Variants in DLC1 observed in about 807,000 individuals in gnomAD.
DLC1 encodes DLC1 Rho GTPase activating protein, also known as rho GTPase-activating protein 7.
In DLC1, 54 loss-of-function variants were observed where a neutral mutation model predicts 140.3. The ratio of observed to expected loss-of-function variants is 0.38; its 90% CI spans 0.31 to 0.48. The LOEUF is 0.48. Ranked by LOEUF, DLC1 falls within the 20% of genes least tolerant of loss-of-function variation. The pLI, the probability that DLC1 is intolerant of heterozygous loss-of-function variation, is 0.96. For synonymous variants in DLC1, 986 were observed against 728.1 expected, an observed-to-expected ratio of 1.35 and a Z score of -5.70; for missense variants, 2,536 against 1,907.0, an observed-to-expected ratio of 1.33 and a Z score of -6.14.
chr8:13,290,052 A>G (rs1195513879), intron 5 of DLC1, among the ~76,000 whole-genome samples: 1 of 152,102 alleles, frequency 6.6e-6, no homozygotes, highest in Non-Finnish European at 1.5e-5. Flanking sequence ...AGTGTCTTCA[A>G]TAGTTTTATG....
intron 7 of DLC1, among the ~76,000 whole-genome samples, chr8:13,110,352 G>A (rs753867374): frequency 6.6e-6 from 1 of 152,132 alleles, no homozygotes; most frequent in South Asian, 2.1e-4. Flanking sequence ...TGAGAGGAGC[G>A]TTCTTGGAAT....
At chr8:13,241,654 T>G (rs1829549252) in intron 5 of DLC1, among the ~76,000 whole-genome samples, 1 of 152,142 alleles carries the variant, frequency 6.6e-6, no homozygotes, top group East Asian at 1.9e-4. Flanking sequence ...TGTGCAGAAA[T>G]GTTTTCAGGG....
chr8:13,430,039 G>A (rs542047842), intron 2 of DLC1, among the ~76,000 whole-genome samples: 170 of 152,174 alleles, frequency 1.1e-3, no homozygotes, highest in African/African-American at 3.9e-3. Flanking sequence ...AAAAATTATG[G>A]TACCTAGGCC....
intron 4 of DLC1, among the ~76,000 whole-genome samples, chr8:13,377,170 C>A (rs573862164): frequency 2.4e-4 from 37 of 152,260 alleles, no homozygotes; most frequent in Non-Finnish European, 4.4e-4. Flanking sequence ...AGTCCAAGGG[C>A]AGCATCTTAT....
At chr8:13,274,217 T>C (rs1831070120) in intron 5 of DLC1, among the ~76,000 whole-genome samples, 1 of 152,168 alleles carries the variant, frequency 6.6e-6, no homozygotes, top group Non-Finnish European at 1.5e-5. Context: ...CAAGTGCTCT[T>C]GAGGTTTGGC....
chr8:13,363,547 C>T (rs1045839366), intron 4 of DLC1, among the ~76,000 whole-genome samples: 1 of 151,902 alleles, frequency 6.6e-6, no homozygotes, highest in Non-Finnish European at 1.5e-5. Context: ...GTCTATTACA[C>T]AGAAGGCATG....
chr8:13,593,904 G>C (rs921160937), intron 1 of DLC1, among the ~76,000 whole-genome samples: 1 of 152,082 alleles, frequency 6.6e-6, no homozygotes, highest in African/African-American at 2.4e-5. Context: ...AGAATACTGT[G>C]ATAAAGCACA....
rs1379725744 is a variant in DLC1 at position 13,244,319 on chromosome 8, A to C, written c.1348+60950T>G. Reference sequence around the variant, plus strand: ...CCAATTTTTTTTTTTTTTTTTTGAGACAGGATCTCACTCTGTTGTTCAGAC... The same window carrying C: ...CCAATTTTTTTTTTTTTTTTTTGAGCCAGGATCTCACTCTGTTGTTCAGAC... On this transcript the variant is annotated intron_variant, in intron 5 of 17. Transcript: ENST00000276297. Among the ~76,000 whole-genome samples the C allele has an allele frequency of 2.1e-5, 3 of 142,604 alleles. No individual in the cohort carries two copies. In the East Asian group the frequency reaches 6.1e-4, roughly 29 times the overall value. 93.6% of individuals were successfully genotyped at this position (142,604 alleles called of 152,430 possible). A position where few individuals can be genotyped will look rare whatever the true frequency, so the allele number is the denominator to read the frequency against.
intron 1 of DLC1, among the ~76,000 whole-genome samples, chr8:13,583,222 G>T (rs947136279): frequency 2.0e-5 from 3 of 152,100 alleles, no homozygotes; most frequent in African/African-American, 7.2e-5. Context: ...ACCCAAAGGG[G>T]AACTGTTTTC....
intron 4 of DLC1, among the ~76,000 whole-genome samples, chr8:13,364,518 A>G (rs1835390448): frequency 6.6e-6 from 1 of 152,074 alleles, no homozygotes; most frequent in Non-Finnish European, 1.5e-5. Context: ...GCTGGTCTCG[A>G]ACTCCCAACC....
intron 4 of DLC1, among the ~76,000 whole-genome samples, chr8:13,390,891 G>C (rs1323915755): frequency 6.6e-6 from 1 of 151,996 alleles, no homozygotes; most frequent in Non-Finnish European, 1.5e-5. Flanking sequence ...GGGAGGCTGA[G>C]GCAGAATGCC....
At chr8:13,316,314 G>C (rs1185241486) in intron 4 of DLC1, among the ~76,000 whole-genome samples, 3 of 152,132 alleles carry the variant, frequency 2.0e-5, no homozygotes, top group Non-Finnish European at 2.9e-5. Context: ...AACAGGTACA[G>C]CAGTTTTGTC....
intron 2 of DLC1, among the ~76,000 whole-genome samples, chr8:13,483,344 C>A (rs1800824913): frequency 6.6e-6 from 1 of 152,128 alleles, no homozygotes. Flanking sequence ...TTACAATGTG[C>A]ATGTACCTTT....
intron 5 of DLC1, among the ~76,000 whole-genome samples, chr8:13,266,268 G>C (rs1830685200): frequency 6.6e-6 from 1 of 152,180 alleles, no homozygotes; most frequent in South Asian, 2.1e-4. Context: ...CCATCTACAA[G>C]GGAAGCATTC....
intron 7 of DLC1, among the ~76,000 whole-genome samples, chr8:13,109,549 C>G (rs1819886444): frequency 6.7e-6 from 1 of 149,590 alleles, no homozygotes; most frequent in Admixed American, 6.7e-5. Context: ...AGAGTGAGAC[C>G]TTGTCTTTAA....
At chr8:13,417,496 T>C (rs1314171346) in intron 2 of DLC1, among the ~76,000 whole-genome samples, 1 of 151,864 alleles carries the variant, frequency 6.6e-6, no homozygotes, top group African/African-American at 2.4e-5. Context: ...TTACTGAGAA[T>C]GATGATTTCC....
In DLC1 at chr8:13,499,535, C is replaced by G; in HGVS notation, c.537G>C (p.Gly179=). The G allele has an allele frequency of 6.2e-7, 1 of 1,614,068 alleles. No homozygotes were observed. Among genetic ancestry groups the G allele is most frequent in the Non-Finnish European group, 8.5e-7 (1 of 1,179,992 alleles). Reference sequence around the variant, plus strand: ...TTATAGAGTCAGTAACTTTTCTCTCCCCACTTTCTTTTACCAGTGCTAATT... The same window carrying G: ...TTATAGAGTCAGTAACTTTTCTCTCGCCACTTTCTTTTACCAGTGCTAATT... ...ETELALVKES[G]ERKVTDSISK... The change falls in exon 2 of 18, where the codon GGG becomes GGC. Residue 179 remains glycine (G), a synonymous_variant. Coordinates refer to ENST00000276297, the MANE Select transcript of DLC1 (RefSeq NM_182643.3).
At chr8:13,377,738 CA>C (rs1429361516) in intron 4 of DLC1, among the ~76,000 whole-genome samples, 1 of 151,850 alleles carries the variant, frequency 6.6e-6, no homozygotes, top group African/African-American at 2.4e-5. Context: ...TTTTTTTTAA[CA>C]GTACTTTAAA....
chr8:13,176,844 G>A (rs962605615), intron 5 of DLC1, among the ~76,000 whole-genome samples: 16 of 152,146 alleles, frequency 1.1e-4, no homozygotes, highest in African/African-American at 3.6e-4. Context: ...CCTTACATGT[G>A]AACAAATGAG....
Sources: allele counts gnomAD v4.1 joint callset (sites outside exome capture counted in the v4.1 genomes callset), GRCh38; gene constraint gnomAD v4.1.1; transcripts MANE v1.5; gene names NCBI Gene and HGNC (gene_info 2026-07-23, HGNC 2026-07-21).